TM4SF4: variants seen among roughly 807,000 people sequenced by gnomAD.
TM4SF4 encodes transmembrane 4 L six family member 4.
TM4SF4 carries 24 observed loss-of-function variants against 24.1 expected under a neutral mutation model. The ratio of observed to expected loss-of-function variants is 1.00; its 90% CI spans 0.72 to 1.40. The LOEUF (loss-of-function observed/expected upper bound fraction) is 1.40, where lower values mean the gene tolerates loss of function less well. Ranked by LOEUF, TM4SF4 falls within the 40% of genes most tolerant of loss-of-function variation. The pLI, the probability that TM4SF4 is intolerant of heterozygous loss-of-function variation, is 0.00. For missense variants in TM4SF4, 254 were observed against 254.2 expected, an observed-to-expected ratio of 1.00 and a Z score of 0.01; for synonymous variants, 113 against 97.0, an observed-to-expected ratio of 1.17 and a Z score of -0.97.
intron 3 of TM4SF4, 55 bp downstream of exon 3, chr3:149,487,810 A>C: frequency 6.3e-7 from 1 of 1,598,864 alleles, no homozygotes; most frequent in Non-Finnish European, 8.6e-7. Context: ...TGGGCAGATA[A>C]ATTGCCCAAG....
At chr3:149,499,093 G>C (rs928175845) in intron 4 of TM4SF4, among the ~76,000 whole-genome samples, 182 bp downstream of exon 4, 1 of 152,214 alleles carries the variant, frequency 6.6e-6, no homozygotes, top group South Asian at 2.1e-4. Flanking sequence ...CATGGAGACA[G>C]ACACATTGCA....
At position 149,486,834 on chromosome 3, in the gene TM4SF4, A is replaced by G. The variant is rs895245635; in HGVS notation, c.265-785A>G. Among the ~76,000 whole-genome samples, 62 of 152,206 alleles carry G rather than the reference A, an allele frequency of 4.1e-4. 1 individual carries two copies. The highest frequency in any genetic ancestry group is 5.9e-5 in the Non-Finnish European group (4 of 68,040). ...GTTAGACTTGATCTTTTTGGCCTCG[A>G]GGAACATAATGAGGGCCAATGAGGA... is the stretch of plus-strand genomic sequence containing the variant. On this transcript the variant is annotated intron_variant, in intron 2 of 4. Transcript: ENST00000305354.
intron 1 of TM4SF4, 57 bp from the exon 2 acceptor site, chr3:149,475,766 G>C (rs1028086099): frequency 3.4e-6 from 5 of 1,471,394 alleles, no homozygotes; most frequent in Non-Finnish European, 3.7e-6. Context: ...AGTCAGGCAG[G>C]CTCGGGCCCT....
chr3:149,485,146 T>C (rs1734094035), intron 2 of TM4SF4, among the ~76,000 whole-genome samples: 1 of 152,186 alleles, frequency 6.6e-6, no homozygotes, highest in African/African-American at 2.4e-5. Flanking sequence ...AATGTGAGAG[T>C]GAATGATTTT....
At chr3:149,491,629 T>G (rs576615495) in intron 3 of TM4SF4, among the ~76,000 whole-genome samples, 1 of 152,294 alleles carries the variant, frequency 6.6e-6, no homozygotes, top group East Asian at 1.9e-4. Flanking sequence ...TGCTGAAGCC[T>G]ATCTCAAACA....
intron 2 of TM4SF4, 83 bp downstream of exon 2, chr3:149,475,995 A>C: frequency 8.5e-7 from 1 of 1,182,064 alleles, no homozygotes; most frequent in Admixed American, 2.0e-5. Flanking sequence ...GATGGAGACA[A>C]GTTATCAGCT....
At chr3:149,484,492 TC>T (rs1182425272) in intron 2 of TM4SF4, among the ~76,000 whole-genome samples, 1 of 152,110 alleles carries the variant, frequency 6.6e-6, no homozygotes, top group African/African-American at 2.4e-5. Flanking sequence ...CAAGCGATTC[TC>T]CTGCCTCAGC....
At chr3:149,493,394 G>C (rs1306536198) in intron 3 of TM4SF4, among the ~76,000 whole-genome samples, 1 of 152,202 alleles carries the variant, frequency 6.6e-6, no homozygotes, top group Non-Finnish European at 1.5e-5. Flanking sequence ...TAATGGGTCA[G>C]AGCACTGGAT....
chr3:149,476,278 G>T (rs749889080), intron 2 of TM4SF4, among the ~76,000 whole-genome samples: 2 of 152,152 alleles, frequency 1.3e-5, no homozygotes, highest in Non-Finnish European at 2.9e-5. Context: ...TCCCTTTTCT[G>T]GCCCTGAATT....
intron 4 of TM4SF4, among the ~76,000 whole-genome samples, chr3:149,500,110 C>T (rs1033527971): frequency 6.6e-6 from 1 of 151,932 alleles, no homozygotes; most frequent in African/African-American, 2.4e-5. Context: ...ATTTTATTCT[C>T]CCTATCTTAA....
At chr3:149,482,559 T>G (rs1419682446) in intron 2 of TM4SF4, among the ~76,000 whole-genome samples, 1 of 152,220 alleles carries the variant, frequency 6.6e-6, no homozygotes, top group East Asian at 1.9e-4. Context: ...TTTTCTTTTT[T>G]TCTAGACAGG....
intron 2 of TM4SF4, among the ~76,000 whole-genome samples, chr3:149,485,471 G>C (rs1734099209): frequency 6.6e-6 from 1 of 152,196 alleles, no homozygotes; most frequent in Non-Finnish European, 1.5e-5. Context: ...TGAAACCTTA[G>C]TCATTGAAAA....
rs138885435 is a variant in TM4SF4 at position 149,491,930 on chromosome 3, G to A, written c.401+4175G>A. ...TGAGGAGAGATTTGCAGAAGGGGCC[G>A]CCACACGATGTGGTGAGACTGAGAG... On this transcript the variant is annotated intron_variant, in intron 3 of 4. Coordinates refer to ENST00000305354, the MANE Select transcript of TM4SF4 (RefSeq NM_004617.4). Among the ~76,000 whole-genome samples the A allele has an allele frequency of 7.6e-4, 116 of 152,270 alleles. 1 individual carries two copies. Among genetic ancestry groups the A allele is most frequent in the Non-Finnish European group, 1.4e-3 (93 of 68,018 alleles).
At chr3:149,475,745 G>C in intron 1 of TM4SF4, 78 bp from the exon 2 acceptor site, 1 of 1,234,000 alleles carries the variant, frequency 8.1e-7, no homozygotes, top group Non-Finnish European at 1.2e-6. Flanking sequence ...TGTGGATGGG[G>C]CTCCTTATAC....
intron 3 of TM4SF4, 86 bp downstream of exon 3, chr3:149,487,841 A>G (rs1734146011): frequency 7.7e-6 from 12 of 1,550,354 alleles, no homozygotes; most frequent in African/African-American, 1.4e-5. Flanking sequence ...ACACAATGCC[A>G]TGTCTTCATC....
chr3:149,491,840 A>G (rs1016095218), intron 3 of TM4SF4, among the ~76,000 whole-genome samples: 6 of 152,276 alleles, frequency 3.9e-5, no homozygotes, highest in African/African-American at 1.4e-4. Context: ...AGCACATTTC[A>G]GGCATGAAAA....
chr3:149,479,058 C>A (rs763317573), intron 2 of TM4SF4, among the ~76,000 whole-genome samples: 1 of 152,182 alleles, frequency 6.6e-6, no homozygotes, highest in Non-Finnish European at 1.5e-5. Context: ...TGAGCCACTG[C>A]GCCTGGCCGA....
At chr3:149,494,567 G>C (rs1358047945) in intron 3 of TM4SF4, 1 of 141,756 alleles carries the variant, frequency 7.1e-6, no homozygotes, top group Non-Finnish European at 1.6e-5. Context: ...CAGAAAGATG[G>C]GTGTTTCATG....
intron 3 of TM4SF4, among the ~76,000 whole-genome samples, chr3:149,488,427 A>G (rs1351864100): frequency 6.6e-6 from 1 of 152,228 alleles, no homozygotes; most frequent in Non-Finnish European, 1.5e-5. Flanking sequence ...TTGTTAGTTG[A>G]GGACAGTGCC....
Sources: allele counts gnomAD v4.1 joint callset (sites outside exome capture counted in the v4.1 genomes callset), GRCh38; gene constraint gnomAD v4.1.1; transcripts MANE v1.5; gene names NCBI Gene and HGNC (gene_info 2026-07-23, HGNC 2026-07-21).